The following PDE4DIP variants were observed in gnomAD, a reference collection of about 807,000 sequenced individuals.
PDE4DIP encodes myomegalin.
Under a neutral mutation model 221.4 loss-of-function variants are expected in PDE4DIP, and 59 were observed. The observed-to-expected ratio is 0.27, with a 90% CI of 0.22 to 0.33. PDE4DIP has a LOEUF of 0.33. PDE4DIP is among the 10% of genes least tolerant of loss of function. The probability of loss-of-function intolerance (pLI) is 1.00; values close to 1 mark genes in which losing one functional copy is unlikely to be tolerated. For missense variants in PDE4DIP, 1,036 were observed against 2,154.2 expected, an observed-to-expected ratio of 0.48 and a Z score of 10.28; for synonymous variants, 404 against 815.9, an observed-to-expected ratio of 0.50 and a Z score of 8.60.
intron 19 of PDE4DIP, 54 bp from the exon 23 acceptor site, chr1:148,979,683 A>G: frequency 2.0e-6 from 3 of 1,528,396 alleles, no homozygotes; most frequent in South Asian, 1.1e-5. Flanking sequence ...CTTGTTTCTT[A>G]TTCATGTCTC....
At chr1:149,031,584 T>C (rs2076742265) in intron 43 of PDE4DIP, among the ~76,000 whole-genome samples, 1 of 145,246 alleles carries the variant, frequency 6.9e-6, no homozygotes, top group Non-Finnish European at 1.5e-5. Context: ...TTTCTATATG[T>C]GCATGTTTCA....
chr1:148,948,001 G>T (rs1466969261), intron 5 of PDE4DIP, among the ~76,000 whole-genome samples: 1 of 150,898 alleles, frequency 6.6e-6, no homozygotes, highest in Non-Finnish European at 1.5e-5. Context: ...AACAATTTAT[G>T]TTAACAAGCC....
exon 32 of PDE4DIP, chr1:149,012,765 A>G (rs1553606756): frequency 6.2e-7 from 1 of 1,605,350 alleles, no homozygotes; most frequent in East Asian, 2.2e-5. Flanking sequence ...CTGCAGAAGC[A>G]GTTGGGAGAA....
chr1:149,016,262 C>A, intron 32 of PDE4DIP, 37 bp from the exon 36 acceptor site: 1 of 1,608,740 alleles, frequency 6.2e-7, no homozygotes, highest in Non-Finnish European at 8.5e-7. Context: ...CCTTCTGACA[C>A]CCCATTTGCT....
chr1:148,970,813 G>A lies in PDE4DIP; in HGVS notation c.1981-1367G>A, dbSNP rs1574587527. The stretch of plus-strand genomic sequence containing the variant: ...CAGTTTTCACAGATATTTTTATTAA[G>A]GTACTTTAATAATATTCTGATACGT... On this transcript the variant is annotated intron_variant, in intron 14 of 43. Coordinates refer to ENST00000369354, the Ensembl canonical transcript of PDE4DIP. Among the ~76,000 whole-genome samples the A allele has an allele frequency of 2.0e-5, 3 of 152,022 alleles. No individual in the cohort carries two copies. The South Asian group carries it at 6.2e-4, about 32-fold the overall frequency.
chr1:148,915,135 T>TTTG (rs1553457271), intron 1 of PDE4DIP, among the ~76,000 whole-genome samples: 1 of 68,646 alleles, frequency 1.5e-5, no homozygotes, highest in African/African-American at 4.8e-5. Flanking sequence ...TTCTGGTTTT[T>TTTG]TTGTTTGTTT....
Position 148,977,973 on chromosome 1 carries a change from C to T in PDE4DIP, c.2356C>T (p.Gln786Ter). 1 of 1,614,068 alleles carries T rather than the reference C, an allele frequency of 6.2e-7. No individual in the cohort carries two copies. Among genetic ancestry groups the T allele is most frequent in the Non-Finnish European group, 8.5e-7 (1 of 1,179,984 alleles). The change falls in exon 18 of 44, where the codon CAG becomes TAG. Residue 786 changes from glutamine (Q) to a stop codon, truncating the protein, a stop_gained. Transcript: ENST00000369354. LOFTEE classifies it high-confidence loss of function. ...TGCTCTACAGTCCATGATGGCTGTG[C>T]AGGAAGAAGAGCTGCAGGTGCAGGC...
chr1:148,982,747 A>C (rs1195078894), intron 21 of PDE4DIP: 3 of 152,130 alleles, frequency 2.0e-5, no homozygotes, highest in Non-Finnish European at 2.9e-5. Context: ...AGTAAATGTG[A>C]CTGAATACCC....
Position 148,966,900 on chromosome 1 carries a change from G to A in PDE4DIP, c.1529G>A (p.Arg510His), listed in dbSNP as rs374769269. 3.9e-5 allele frequency: 63 copies of A among 1,595,496 alleles called. No individual in the cohort carries two copies. The Middle Eastern group carries it at 1.0e-3, about 26-fold the overall frequency. The change falls in exon 12 of 44, where the codon CGT becomes CAT. Residue 510 changes from arginine (R) to histidine (H), a missense_variant. By Grantham distance (29) the Arg-to-His change is conservative. Transcript: ENST00000369354. The stretch of plus-strand genomic sequence containing the variant: ...AAAGAAAAAGAACTGCGCCAGCTTC[G>A]TCTTGCTGTGAGAGAGCGAGATCAT...
intron 17 of PDE4DIP, among the ~76,000 whole-genome samples, chr1:148,976,356 C>T (rs1286528551): frequency 2.6e-5 from 4 of 152,286 alleles, no homozygotes; most frequent in South Asian, 2.1e-4. Context: ...CCTGAGTTCA[C>T]GTTCTGGATT....
chr1:148,820,433 T>G (rs368051557), intron 1 of PDE4DIP, among the ~76,000 whole-genome samples: 4 of 148,618 alleles, frequency 2.7e-5, no homozygotes, highest in Middle Eastern at 3.5e-3. Flanking sequence ...CCGGGCGTGG[T>G]GGCAGGCGCC....
chr1:148,917,306 A>G (rs1357848436), intron 1 of PDE4DIP, among the ~76,000 whole-genome samples: 2 of 148,474 alleles, frequency 1.3e-5, no homozygotes, highest in Non-Finnish European at 3.0e-5. Flanking sequence ...AGCAGAATGT[A>G]TCTTGGGAAC....
chr1:148,949,192 A>G (rs1179608337), intron 5 of PDE4DIP, among the ~76,000 whole-genome samples: 1 of 151,964 alleles, frequency 6.6e-6, no homozygotes, highest in Non-Finnish European at 1.5e-5. Context: ...CAAAAGCAGT[A>G]AGTACTTAAA....
intron 4 of PDE4DIP, among the ~76,000 whole-genome samples, chr1:148,933,628 T>G (rs2048557435): frequency 6.6e-6 from 1 of 152,170 alleles, no homozygotes; most frequent in Non-Finnish European, 1.5e-5. Context: ...TAAAAAGCTT[T>G]AAGGAGCTTT....
At chr1:148,955,627 TTAAG>T (rs2151460078) in intron 5 of PDE4DIP, among the ~76,000 whole-genome samples, 1 of 151,280 alleles carries the variant, frequency 6.6e-6, no homozygotes, top group East Asian at 1.9e-4. Context: ...GTATATTAAT[TTAAG>T]TAAGTACTTA....
At chr1:149,016,842 CTT>C (rs1160575622) in intron 33 of PDE4DIP, among the ~76,000 whole-genome samples, 1 of 152,304 alleles carries the variant, frequency 6.6e-6, no homozygotes, top group Non-Finnish European at 1.5e-5. Context: ...AGCCCACTCT[CTT>C]AGACCCTTCC....
intron 6 of PDE4DIP, among the ~76,000 whole-genome samples, chr1:148,961,517 G>A (rs2056928538): frequency 6.6e-6 from 1 of 152,086 alleles, no homozygotes; most frequent in Admixed American, 6.6e-5. Flanking sequence ...AAGCTCTTTG[G>A]TCCTTGTATA....
exon 30 of PDE4DIP, chr1:149,009,627 A>G (rs1553602905): frequency 2.5e-6 from 4 of 1,614,122 alleles, no homozygotes; most frequent in Non-Finnish European, 2.5e-6. Flanking sequence ...GCCAAGCTGG[A>G]TGCTCGGTCC....
At chr1:149,024,333 A>G (rs1417601735) in intron 37 of PDE4DIP, 112 bp from the exon 41 acceptor site, 3 of 801,166 alleles carry the variant, frequency 3.7e-6, no homozygotes, top group African/African-American at 1.7e-5. Context: ...GATGGGTTGC[A>G]TGAGACTCAG....
Sources: allele counts gnomAD v4.1 joint callset (sites outside exome capture counted in the v4.1 genomes callset), GRCh38; gene constraint gnomAD v4.1.1; transcripts MANE v1.5; gene names NCBI Gene and HGNC (gene_info 2026-07-23, HGNC 2026-07-21).